The following OSTF1 variants were observed in gnomAD, a reference collection of about 807,000 sequenced individuals.
OSTF1 encodes osteoclast stimulating factor 1.
Under a neutral mutation model 37.2 loss-of-function variants are expected in OSTF1, and 27 were observed. The observed-to-expected ratio is 0.73, with a 90% CI of 0.54 to 1.00. OSTF1 has a LOEUF of 1.00. Among genes scored for constraint, OSTF1 ranks in the 50% least tolerant of loss-of-function variants. OSTF1 has a pLI of 0.00. For synonymous variants in OSTF1, 82 were observed against 89.2 expected (o/e 0.92, Z 0.46); for missense variants, 232 against 253.8 (o/e 0.91, Z 0.58).
chr9:75,136,048 A>G (rs1490654331), intron 7 of OSTF1, among the ~76,000 whole-genome samples: 2 of 152,188 alleles, frequency 1.3e-5, no homozygotes, highest in Non-Finnish European at 2.9e-5. Flanking sequence ...GCTGACTAGA[A>G]ACCTAATTAT....
At chr9:75,140,958 C>T (rs1402114792) in intron 9 of OSTF1, 26 bp downstream of exon 9, 1 of 1,448,712 alleles carries the variant, frequency 6.9e-7, no homozygotes, top group African/African-American at 1.4e-5. Context: ...TCTTCTTTCT[C>T]CTCTGGTGCC....
At chr9:75,099,319 A>T (rs1465677179) in intron 1 of OSTF1, among the ~76,000 whole-genome samples, 1 of 150,400 alleles carries the variant, frequency 6.6e-6, no homozygotes, top group Non-Finnish European at 1.5e-5. Context: ...GCTGGAGTGC[A>T]TGGCTCACTG....
At chr9:75,115,448 T>C (rs1025036764) in intron 1 of OSTF1, among the ~76,000 whole-genome samples, 1 of 152,058 alleles carries the variant, frequency 6.6e-6, no homozygotes, top group Admixed American at 6.6e-5. Context: ...CACGCCATCA[T>C]GCCCGGCAAA....
rs1278424079 is a variant in OSTF1, at chr9:75,116,104, A to AAAT, written c.35-1390_35-1388dup. On this transcript the variant is annotated intron_variant, in intron 1 of 9. Coordinates refer to ENST00000346234, the MANE Select transcript of OSTF1 (RefSeq NM_012383.5). The stretch of plus-strand genomic sequence containing the variant: ...GGGCGAAAGAGTGAGAATCTGTTTC[A>AAAT]AATAATAATAATTATTATTATAATA... 3.9e-5 allele frequency among the ~76,000 whole-genome samples: 6 copies of AAAT among 151,912 alleles called. No individual in the cohort carries two copies. In the East Asian group the frequency reaches 5.8e-4, roughly 15 times the overall value.
intron 1 of OSTF1, among the ~76,000 whole-genome samples, chr9:75,090,048 G>A (rs1824934105): frequency 6.6e-6 from 1 of 152,102 alleles, no homozygotes. Flanking sequence ...ATTAGATGTG[G>A]AATCTGATGA....
In OSTF1 at chr9:75,141,379, C is replaced by T. The variant is rs1825942133; in HGVS notation, c.586+447C>T. Among the ~76,000 whole-genome samples the T allele has an allele frequency of 1.4e-5, 2 of 143,010 alleles. 1 individual carries two copies. The highest frequency in any genetic ancestry group is 4.5e-4 in the South Asian group (2 of 4,446). 93.8% of individuals were successfully genotyped at this position (143,010 alleles called of 152,430 possible). A position where few individuals can be genotyped will look rare whatever the true frequency, so the allele number is the denominator to read the frequency against. On this transcript the variant is annotated intron_variant, in intron 9 of 9. Coordinates refer to ENST00000346234, the MANE Select transcript of OSTF1 (RefSeq NM_012383.5). Reference sequence around the variant, plus strand: ...ATGATTCTGAAGTTTGTTTCAATATCCTTGATCTTAATGAGAACCCCCAAA... The same window carrying T: ...ATGATTCTGAAGTTTGTTTCAATATTCTTGATCTTAATGAGAACCCCCAAA...
At chr9:75,146,408 G>A (rs1321018920) in intron 9 of OSTF1, among the ~76,000 whole-genome samples, 1 of 152,210 alleles carries the variant, frequency 6.6e-6, no homozygotes, top group Non-Finnish European at 1.5e-5. Flanking sequence ...TGTTGGTCAT[G>A]GTGCCTGTGG....
intron 1 of OSTF1, among the ~76,000 whole-genome samples, chr9:75,093,104 A>G (rs1825011911): frequency 1.5e-5 from 2 of 134,104 alleles, no homozygotes; most frequent in Non-Finnish European, 3.1e-5. Context: ...TATGTTGACC[A>G]GGCTGGTCTT....
intron 1 of OSTF1, among the ~76,000 whole-genome samples, chr9:75,099,128 G>A (rs1482345020): frequency 6.6e-6 from 1 of 152,086 alleles, no homozygotes; most frequent in East Asian, 1.9e-4. Context: ...AGTAGAAATG[G>A]GGTTTCATCA....
intron 1 of OSTF1, among the ~76,000 whole-genome samples, chr9:75,102,187 C>CTGA (rs1418179533): frequency 6.6e-6 from 1 of 152,154 alleles, no homozygotes; most frequent in Non-Finnish European, 1.5e-5. Flanking sequence ...GTTGCCCAGG[C>CTGA]TGATCCTGAA....
At chr9:75,129,257 A>G (rs1407543409) in intron 3 of OSTF1, among the ~76,000 whole-genome samples, 1 of 152,194 alleles carries the variant, frequency 6.6e-6, no homozygotes, top group Non-Finnish European at 1.5e-5. Flanking sequence ...GCATGAGAGA[A>G]TGCTAGGAAA....
At chr9:75,115,353 G>A (rs140666363) in intron 1 of OSTF1, among the ~76,000 whole-genome samples, 41 of 152,108 alleles carry the variant, frequency 2.7e-4, no homozygotes, top group African/African-American at 8.0e-4. Context: ...GTGTAGTGGC[G>A]TGATCTCAGC....
At chr9:75,093,654 T>G (rs1587432995) in intron 1 of OSTF1, among the ~76,000 whole-genome samples, 1 of 152,316 alleles carries the variant, frequency 6.6e-6, no homozygotes, top group African/African-American at 2.4e-5. Flanking sequence ...ATCATAAAAC[T>G]TAAAAGACAT....
intron 1 of OSTF1, among the ~76,000 whole-genome samples, chr9:75,113,939 C>T (rs1377799911): frequency 6.6e-6 from 1 of 152,144 alleles, no homozygotes; most frequent in African/African-American, 2.4e-5. Flanking sequence ...CCAGCATCCC[C>T]CCAAGTCTCC....
In OSTF1 at chr9:75,117,534, C is replaced by T. The variant is rs767694447; in HGVS notation, c.65C>T (p.Thr22Met). Reference sequence around the variant, plus strand: ...GTTAAAGTCTTCAGAGCCCTGTATACGTTTGAACCCAGAACTGTAAGTGTT... The same window carrying T: ...GTTAAAGTCTTCAGAGCCCTGTATATGTTTGAACCCAGAACTGTAAGTGTT... The part of the protein sequence containing the change: ...GQVKVFRALY[T>M]FEPRTPDELY... Residue 22 changes from threonine (T) to methionine (M), a missense_variant, in exon 2 of 10, where the codon ACG becomes ATG. Physicochemically the swap from Thr to Met is moderately conservative, Grantham distance 81. Transcript: ENST00000346234. The T allele has an allele frequency of 1.8e-5, 29 of 1,609,028 alleles. No homozygotes were observed. In the South Asian group the frequency reaches 2.2e-4, roughly 12 times the overall value.
At chr9:75,126,759 A>G (rs1051240998) in intron 2 of OSTF1, among the ~76,000 whole-genome samples, 1 of 151,804 alleles carries the variant, frequency 6.6e-6, no homozygotes, top group Non-Finnish European at 1.5e-5. Context: ...TGCCCAGCTA[A>G]TTTTTGTATT....
intron 5 of OSTF1, 123 bp downstream of exon 5, chr9:75,131,946 C>T (rs1825767728): frequency 2.8e-6 from 2 of 706,400 alleles, no homozygotes; most frequent in Non-Finnish European, 5.0e-6. Flanking sequence ...ACATTTCTGC[C>T]ATCCTAGAAA....
At position 75,146,810 on chromosome 9, in the gene OSTF1, G is replaced by A; in HGVS notation, c.*69G>A. The A allele has an allele frequency of 8.8e-7, 1 of 1,142,650 alleles. No homozygotes were observed. The allele number at this position is 1,142,650 out of a possible 1,614,324, so 70.8% of individuals were successfully genotyped here. On this transcript the variant is annotated 3_prime_UTR_variant, in exon 10 of 10. Transcript: ENST00000346234. ...CCATTCCAAAACTTTGTCTTTGCCAGAAAAGTGTTGGTAACTATAAAGAAA... is the reference window on the plus strand; with the variant it reads ...CCATTCCAAAACTTTGTCTTTGCCAAAAAAGTGTTGGTAACTATAAAGAAA...
intron 9 of OSTF1, among the ~76,000 whole-genome samples, chr9:75,145,251 A>G (rs1358188181): frequency 1.3e-5 from 2 of 152,086 alleles, no homozygotes; most frequent in Non-Finnish European, 2.9e-5. Context: ...CTACCTACCT[A>G]GCTATGTATC....
Sources: gnomAD v4.1 joint callset for allele counts (sites outside exome capture counted in the v4.1 genomes callset) on GRCh38, gnomAD v4.1.1 for gene constraint, MANE v1.5 for transcripts, NCBI Gene and HGNC (gene_info 2026-07-23, HGNC 2026-07-21) for gene names.